The following MAML3 variants were observed in gnomAD, a reference collection of about 807,000 sequenced individuals.
The protein encoded by MAML3 is mastermind-like protein 3.
In MAML3, 27 loss-of-function variants were observed where a neutral mutation model predicts 101.9. The observed-to-expected ratio is 0.27, with a 90% CI of 0.20 to 0.37. The LOEUF is 0.37. Ranked by LOEUF, MAML3 falls within the 10% of genes least tolerant of loss-of-function variation. The probability of loss-of-function intolerance (pLI) is 1.00; values close to 1 mark genes in which losing one functional copy is unlikely to be tolerated. For missense variants in MAML3, 1,316 were observed against 1,444.9 expected (o/e 0.91, Z 1.45); for synonymous variants, 501 against 555.9 (o/e 0.90, Z 1.39).
At chr4:139,919,715 C>T (rs142805610) in intron 1 of MAML3, among the ~76,000 whole-genome samples, 2 of 152,170 alleles carry the variant, frequency 1.3e-5, no homozygotes, top group South Asian at 4.2e-4. Flanking sequence ...GGAGTTCAGC[C>T]CTAGAGGTCT....
intron 2 of MAML3, among the ~76,000 whole-genome samples, chr4:139,855,673 T>A (rs563907061): frequency 6.6e-6 from 1 of 152,348 alleles, no homozygotes; most frequent in South Asian, 2.1e-4. Context: ...GAAGTGCTTT[T>A]ATATACATTA....
intron 1 of MAML3, among the ~76,000 whole-genome samples, chr4:139,911,182 T>C (rs529294424): frequency 4.6e-5 from 7 of 152,268 alleles, no homozygotes; most frequent in African/African-American, 1.4e-4. Flanking sequence ...TTTAGCATCA[T>C]GTCCTCAAGT....
chr4:139,877,759 T>C (rs1372173844), intron 2 of MAML3, among the ~76,000 whole-genome samples: 1 of 152,196 alleles, frequency 6.6e-6, no homozygotes, highest in Non-Finnish European at 1.5e-5. Flanking sequence ...ACTGGAAATA[T>C]AAAACAGAAG....
At chr4:139,957,254 G>A (rs1403412819) in intron 1 of MAML3, among the ~76,000 whole-genome samples, 1 of 152,214 alleles carries the variant, frequency 6.6e-6, no homozygotes, top group African/African-American at 2.4e-5. Context: ...GTTCTAACAT[G>A]ATTGGCATTC....
At chr4:139,841,693 C>T (rs1053700321) in intron 2 of MAML3, among the ~76,000 whole-genome samples, 5 of 152,190 alleles carry the variant, frequency 3.3e-5, no homozygotes, top group African/African-American at 7.2e-5. Context: ...AGCATCCTAT[C>T]GCTGGTCCCC....
chr4:139,904,564 T>A (rs1732785354), intron 1 of MAML3, among the ~76,000 whole-genome samples: 1 of 152,222 alleles, frequency 6.6e-6, no homozygotes, highest in Admixed American at 6.5e-5. Flanking sequence ...TCAGTCCAGA[T>A]GAAGTAAGGC....
intron 2 of MAML3, among the ~76,000 whole-genome samples, chr4:139,743,138 C>A (rs1729216953): frequency 6.6e-6 from 1 of 152,232 alleles, no homozygotes; most frequent in South Asian, 2.1e-4. Context: ...TGCTTTACAG[C>A]ATAACCACGA....
chr4:140,059,872 A>T (rs886471664), intron 1 of MAML3, among the ~76,000 whole-genome samples: 1 of 152,242 alleles, frequency 6.6e-6, no homozygotes, highest in African/African-American at 2.4e-5. Flanking sequence ...AGAACAGCAA[A>T]AGGCATCTAA....
intron 2 of MAML3, among the ~76,000 whole-genome samples, chr4:139,819,815 T>G (rs1730946215): frequency 6.6e-6 from 1 of 152,190 alleles, no homozygotes; most frequent in African/African-American, 2.4e-5. Context: ...AGTGTTGATA[T>G]TTTACACTTT....
chr4:140,011,369 C>A (rs10031599), intron 1 of MAML3, among the ~76,000 whole-genome samples: 4 of 120,552 alleles, frequency 3.3e-5, no homozygotes, highest in African/African-American at 1.1e-4. Context: ...ACGGAGTCTC[C>A]CTCTGTCGCC....
chr4:140,069,803 G>A (rs1006571684), intron 1 of MAML3, among the ~76,000 whole-genome samples: 2 of 151,026 alleles, frequency 1.3e-5, no homozygotes, highest in African/African-American at 2.5e-5. Flanking sequence ...GAGAAAGATC[G>A]AACTGGAGTC....
Position 139,890,092 on chromosome 4 carries a change from G to A in MAML3, c.1344C>T (p.Ala448=), listed in dbSNP as rs370230427. 5.0e-6 allele frequency: 8 copies of A among 1,613,404 alleles called. No individual in the cohort carries two copies. The highest frequency in any genetic ancestry group is 4.0e-5 in the African/African-American group (3 of 75,032). ...CAGCCACAGGCCCTGACGCTGAACC[G>A]GCCACTGTCACTGCTGCCGGATTCA... is the stretch of plus-strand genomic sequence containing the variant. ...YLLNPAAVTV[A]GSASGPVAVP... Residue 448 remains alanine (A), a synonymous_variant, in exon 2 of 5, where the codon GCC becomes GCT. Transcript: ENST00000509479. This position sits in a 1 kb window ranked among gnomAD's most constrained non-coding sequence, Gnocchi z 4.1.
chr4:140,059,844 T>C (rs771834927), intron 1 of MAML3, among the ~76,000 whole-genome samples: 3 of 152,140 alleles, frequency 2.0e-5, no homozygotes, highest in Non-Finnish European at 4.4e-5. Context: ...CAAAATCAAA[T>C]ATGCATCTTT....
chr4:140,057,093 A>G (rs1727361552), intron 1 of MAML3, among the ~76,000 whole-genome samples: 1 of 152,198 alleles, frequency 6.6e-6, no homozygotes. Context: ...TGGGCAATGA[A>G]GCAAGACCCC....
chr4:140,038,029 C>T (rs765168869), intron 1 of MAML3, among the ~76,000 whole-genome samples: 1 of 152,214 alleles, frequency 6.6e-6, no homozygotes. Context: ...ATATCTTCTG[C>T]AGAGGGCACC....
chr4:139,731,145 C>T (rs1302461579), intron 2 of MAML3: 4 of 166,682 alleles, frequency 2.4e-5, no homozygotes. Flanking sequence ...ATTTGTTAAT[C>T]AACAGATCTG....
chr4:140,012,942 C>T (rs1049267338), intron 1 of MAML3, among the ~76,000 whole-genome samples: 4 of 152,272 alleles, frequency 2.6e-5, no homozygotes, highest in African/African-American at 9.6e-5. Context: ...ATACCCTGAG[C>T]AAAGAGATCA....
chr4:140,037,816 A>G (rs1015013979), intron 1 of MAML3, among the ~76,000 whole-genome samples: 1 of 152,248 alleles, frequency 6.6e-6, no homozygotes, highest in African/African-American at 2.4e-5. Flanking sequence ...ACAAACTCTC[A>G]GCAGGCACCC....
chr4:139,893,483 T>C (rs989405835), intron 1 of MAML3, among the ~76,000 whole-genome samples: 8 of 152,194 alleles, frequency 5.3e-5, no homozygotes, highest in Admixed American at 6.5e-5. Context: ...GTGGCTGACG[T>C]GCTTACTGTG....
Sources: allele counts gnomAD v4.1 joint callset (sites outside exome capture counted in the v4.1 genomes callset), GRCh38; gene constraint gnomAD v4.1.1; non-coding constraint Gnocchi (gnomAD v3.1); transcripts MANE v1.5; gene names NCBI Gene and HGNC (gene_info 2026-07-23, HGNC 2026-07-21).